TAMM41: variants seen among roughly 807,000 people sequenced by gnomAD.
TAMM41 encodes phosphatidate cytidylyltransferase, mitochondrial.
TAMM41 carries 36 observed loss-of-function variants against 44.1 expected under a neutral mutation model. The observed-to-expected ratio is 0.82, with a 90% confidence interval of 0.63 to 1.08. The LOEUF (loss-of-function observed/expected upper bound fraction) is 1.08, where lower values mean the gene tolerates loss of function less well. TAMM41 is among the 50% of genes least tolerant of loss of function. The pLI is 0.00. For synonymous variants in TAMM41, 164 were observed against 153.1 expected (o/e 1.07, Z -0.53); for missense variants, 417 against 404.3 (o/e 1.03, Z -0.27).
the TAMM41 span, among the ~76,000 whole-genome samples, chr3:11,768,785 G>C: frequency 3.2e-4 from 49 of 152,334 alleles, no homozygotes; most frequent in Middle Eastern, 3.4e-3. Context: ...TATCTAGTGG[G>C]AGAGAGAAAC....
the TAMM41 span, among the ~76,000 whole-genome samples, chr3:11,772,420 A>G: frequency 6.6e-6 from 1 of 151,898 alleles, no homozygotes; most frequent in Non-Finnish European, 1.5e-5. Flanking sequence ...ATATGTACCT[A>G]TTGTTTAGCT....
chr3:11,818,733 A>G (rs932488473), intron 4 of TAMM41, among the ~76,000 whole-genome samples: 50 of 151,986 alleles, frequency 3.3e-4, no homozygotes, highest in Non-Finnish European at 6.6e-4. Flanking sequence ...CGTCTCTACT[A>G]AAAAATACAA....
At chr3:11,762,532 T>A in the TAMM41 span, among the ~76,000 whole-genome samples, 1 of 152,206 alleles carries the variant, frequency 6.6e-6, no homozygotes, top group Non-Finnish European at 1.5e-5. Context: ...TGCTCCGTTA[T>A]TATTTGTTGA....
At chr3:11,758,835 G>A in the TAMM41 span, among the ~76,000 whole-genome samples, 8 of 151,896 alleles carry the variant, frequency 5.3e-5, no homozygotes, top group African/African-American at 7.3e-5. Flanking sequence ...CACCACGCCC[G>A]GCTAATTTTT....
rs1180859468 is a variant in TAMM41, at chr3:11,827,208, G to A, written c.562+2506C>T. Among the ~76,000 whole-genome samples the A allele has an allele frequency of 5.3e-5, 8 of 152,112 alleles. No homozygotes were observed. In the East Asian group the frequency reaches 1.5e-3, roughly 29 times the overall value. On this transcript the variant is annotated intron_variant, in intron 4 of 7. Coordinates refer to ENST00000455809, the MANE Select transcript of TAMM41 (RefSeq NM_001284401.2). ...TTGTACTGACATAACAAAGTTCAAG[G>A]TGACTCTTTAAAATGCATTTGGTGC...
intron 7 of TAMM41, among the ~76,000 whole-genome samples, chr3:11,803,007 T>C (rs138868185): frequency 6.6e-6 from 1 of 152,244 alleles, no homozygotes; most frequent in East Asian, 1.9e-4. Flanking sequence ...CACAGTGACT[T>C]ATACCTGTAA....
At chr3:11,760,356 G>A in the TAMM41 span, among the ~76,000 whole-genome samples, 8 of 152,124 alleles carry the variant, frequency 5.3e-5, no homozygotes, top group Non-Finnish European at 8.8e-5. Flanking sequence ...TCTTCAAGCC[G>A]AATCAGTTGC....
the TAMM41 span, among the ~76,000 whole-genome samples, chr3:11,749,765 A>G: frequency 6.6e-6 from 1 of 152,084 alleles, no homozygotes; most frequent in Non-Finnish European, 1.5e-5. Flanking sequence ...GCTTGTTCTC[A>G]TGTTGGCTTC....
chr3:11,791,718 G>C (rs1209751105), intron 7 of TAMM41, among the ~76,000 whole-genome samples: 1 of 152,124 alleles, frequency 6.6e-6, no homozygotes, highest in Admixed American at 6.5e-5. Context: ...AGTCCACTTA[G>C]AGCCTTGGAA....
the TAMM41 span, among the ~76,000 whole-genome samples, chr3:11,784,770 AAAAGT>A: frequency 1.3e-5 from 2 of 151,754 alleles, no homozygotes; most frequent in Non-Finnish European, 2.9e-5. Flanking sequence ...TTCCTGCCAG[AAAAGT>A]GAGAACACTT....
chr3:11,824,786 T>A (rs1342079470), intron 4 of TAMM41, among the ~76,000 whole-genome samples: 1 of 152,078 alleles, frequency 6.6e-6, no homozygotes, highest in East Asian at 1.9e-4. Flanking sequence ...TCCCTCCACA[T>A]CCTCAGTGGT....
rs73132974 is a variant in TAMM41, at chr3:11,801,807, G to A, written c.937+6026C>T. 6.3e-3 allele frequency among the ~76,000 whole-genome samples: 960 copies of A among 151,904 alleles called. 7 individuals are homozygous for A. The highest frequency in any genetic ancestry group is 0.044 in the Middle Eastern group (13 of 294). ...ACCTCAAGGCATTGAAAAATATAACGAAAACTATAACAAGAAAAAAAATAA... is the reference window on the plus strand; with the variant it reads ...ACCTCAAGGCATTGAAAAATATAACAAAAACTATAACAAGAAAAAAAATAA... On this transcript the variant is annotated intron_variant, in intron 7 of 7. Coordinates refer to ENST00000455809, the MANE Select transcript of TAMM41 (RefSeq NM_001284401.2).
chr3:11,834,876 C>T (rs1169830828), intron 3 of TAMM41, among the ~76,000 whole-genome samples: 1 of 152,034 alleles, frequency 6.6e-6, no homozygotes, highest in African/African-American at 2.4e-5. Flanking sequence ...TTAGTAGAGA[C>T]GGGGTTTCAC....
At chr3:11,803,950 T>C (rs1156722563) in intron 7 of TAMM41, among the ~76,000 whole-genome samples, 1 of 152,046 alleles carries the variant, frequency 6.6e-6, no homozygotes, top group Non-Finnish European at 1.5e-5. Flanking sequence ...TGGGAGGAGA[T>C]GAGGGTTGGA....
At chr3:11,727,993 G>A in the TAMM41 span, among the ~76,000 whole-genome samples, 81 of 150,892 alleles carry the variant, frequency 5.4e-4, no homozygotes, top group African/African-American at 2.0e-3. Flanking sequence ...CTCCATGTTG[G>A]TCAGGCTGGT....
At chr3:11,748,967 C>T in the TAMM41 span, among the ~76,000 whole-genome samples, 1 of 140,008 alleles carries the variant, frequency 7.1e-6, no homozygotes, top group Non-Finnish European at 1.5e-5. Context: ...GGGTGGAGTG[C>T]AGTGGTGCCA....
intron 5 of TAMM41, among the ~76,000 whole-genome samples, chr3:11,810,566 C>T (rs1357536441): frequency 1.3e-5 from 2 of 152,118 alleles, no homozygotes; most frequent in African/African-American, 4.8e-5. Flanking sequence ...CTCAACAGCC[C>T]ATCACATTAT....
At chr3:11,829,923 G>A in intron 3 of TAMM41, 59 bp from the exon 4 acceptor site, 1 of 1,537,916 alleles carries the variant, frequency 6.5e-7, no homozygotes, top group Non-Finnish European at 9.0e-7. Flanking sequence ...GCTCAAGCAT[G>A]GGTTACAAAT....
At chr3:11,822,500 T>C (rs897428499) in intron 4 of TAMM41, among the ~76,000 whole-genome samples, 1 of 152,150 alleles carries the variant, frequency 6.6e-6, no homozygotes, top group Non-Finnish European at 1.5e-5. Context: ...ATTTAAACAT[T>C]GCTGTCATTT....
Sources: allele counts gnomAD v4.1 joint callset (sites outside exome capture counted in the v4.1 genomes callset), GRCh38; gene constraint gnomAD v4.1.1; transcripts MANE v1.5; gene names NCBI Gene and HGNC (gene_info 2026-07-23, HGNC 2026-07-21).